SORCS1: variants seen among roughly 807,000 people sequenced by gnomAD.
SORCS1 encodes VPS10 domain-containing receptor SorCS1.
In SORCS1, 60 loss-of-function variants were observed where a neutral mutation model predicts 146.1. The observed-to-expected ratio is 0.41, with a 90% confidence interval of 0.33 to 0.51. The LOEUF is 0.51. Ranked by LOEUF, SORCS1 falls within the 20% of genes least tolerant of loss-of-function variation. SORCS1 has a pLI of 0.21. For missense variants in SORCS1, 1,352 were observed against 1,487.6 expected (o/e 0.91, Z 1.50); for synonymous variants, 637 against 584.0 (o/e 1.09, Z -1.31).
intron 2 of SORCS1, among the ~76,000 whole-genome samples, chr10:106,922,390 C>G (rs1191310734): frequency 6.6e-6 from 1 of 152,120 alleles, no homozygotes; most frequent in African/African-American, 2.4e-5. Context: ...TCTGTCATCC[C>G]CTGAAGGGCT....
At chr10:106,829,465 T>G in intron 3 of SORCS1, 109 bp downstream of exon 3, 1 of 712,842 alleles carries the variant, frequency 1.4e-6, no homozygotes, top group South Asian at 2.1e-5. Context: ...ATCTTTACAT[T>G]TCTAATCCCA....
intron 2 of SORCS1, among the ~76,000 whole-genome samples, chr10:106,939,433 A>G (rs1307858460): frequency 1.3e-5 from 2 of 152,252 alleles, no homozygotes; most frequent in Non-Finnish European, 2.9e-5. Flanking sequence ...AGGGGCGATG[A>G]TGCAGGACAT....
chr10:107,073,498 T>G (rs1962615778), intron 1 of SORCS1, among the ~76,000 whole-genome samples: 1 of 152,164 alleles, frequency 6.6e-6, no homozygotes, highest in Non-Finnish European at 1.5e-5. Flanking sequence ...ATGAATTCAA[T>G]AACAACTACT....
intron 2 of SORCS1, among the ~76,000 whole-genome samples, chr10:106,907,379 A>G (rs575650738): frequency 6.6e-5 from 10 of 152,348 alleles, no homozygotes; most frequent in African/African-American, 2.2e-4. Flanking sequence ...GAGAAGAAAT[A>G]AAGGATACAG....
intron 1 of SORCS1, among the ~76,000 whole-genome samples, chr10:106,957,998 T>C (rs542430121): frequency 6.6e-6 from 1 of 152,294 alleles, no homozygotes; most frequent in Admixed American, 6.5e-5. Context: ...TAAAGAGCTA[T>C]ATACCCCTTC....
intron 21 of SORCS1, among the ~76,000 whole-genome samples, chr10:106,612,340 C>A (rs1162316675): frequency 7.1e-6 from 1 of 140,176 alleles, no homozygotes; most frequent in Non-Finnish European, 1.5e-5. Flanking sequence ...CCCCTGGCCC[C>A]CCTTCCCCCC....
At chr10:106,786,070 T>A (rs188519192) in intron 3 of SORCS1, among the ~76,000 whole-genome samples, 14 of 152,342 alleles carry the variant, frequency 9.2e-5, no homozygotes, top group East Asian at 1.9e-4. Flanking sequence ...ATTTTTTTCA[T>A]GACTGCATAT....
chr10:106,713,163 C>T (rs1282148708), intron 6 of SORCS1, among the ~76,000 whole-genome samples: 6 of 151,092 alleles, frequency 4.0e-5, no homozygotes, highest in East Asian at 3.9e-4. Context: ...GCTTATATAA[C>T]GAGTATGACA....
chr10:106,750,473 GC>G (rs1416032068), intron 5 of SORCS1, among the ~76,000 whole-genome samples: 1 of 151,982 alleles, frequency 6.6e-6, no homozygotes, highest in Non-Finnish European at 1.5e-5. Flanking sequence ...GTTCAGGCCT[GC>G]AATACCAGCA....
chr10:107,166,473 G>C (rs1970054588), upstream of SORCS1, among the ~76,000 whole-genome samples: 2 of 152,200 alleles, frequency 1.3e-5, no homozygotes. Context: ...GGACCTAAAA[G>C]AGTGTCCTGT....
intron 1 of SORCS1, among the ~76,000 whole-genome samples, chr10:107,094,938 A>C (rs569603983): frequency 6.6e-6 from 1 of 152,326 alleles, no homozygotes; most frequent in South Asian, 2.1e-4. Context: ...CGGCAAGAGA[A>C]ACTCATTGCC....
At chr10:106,912,121 AAAACAAAC>A (rs959022396) in intron 2 of SORCS1, among the ~76,000 whole-genome samples, 5 of 149,046 alleles carry the variant, frequency 3.4e-5, no homozygotes, top group African/African-American at 1.2e-4. Flanking sequence ...TCAAAAAAAA[AAAACAAAC>A]AAACAAACAA....
intron 1 of SORCS1, among the ~76,000 whole-genome samples, chr10:107,035,830 C>T (rs534300922): frequency 6.6e-6 from 1 of 151,800 alleles, no homozygotes; most frequent in African/African-American, 2.4e-5. Flanking sequence ...TCATTTAATC[C>T]TCACAAATAT....
intron 24 of SORCS1, among the ~76,000 whole-genome samples, chr10:106,590,654 A>ATGTTTT (rs1192950535): frequency 4.6e-5 from 7 of 151,964 alleles, no homozygotes; most frequent in African/African-American, 7.2e-5. Context: ...TAGCTGTTTT[A>ATGTTTT]TGTTTTTGTT....
At chr10:106,671,490 T>G (rs1337843087) in intron 15 of SORCS1, 123 bp from the exon 16 acceptor site, 4 of 1,364,790 alleles carry the variant, frequency 2.9e-6, no homozygotes, top group South Asian at 2.8e-5. Context: ...GTAGCCCTCT[T>G]TGTGCTAACA....
intron 24 of SORCS1, among the ~76,000 whole-genome samples, chr10:106,587,931 C>T (rs1284664539): frequency 2.6e-5 from 4 of 152,168 alleles, no homozygotes; most frequent in Non-Finnish European, 4.4e-5. Flanking sequence ...TTATAATGTG[C>T]GTTTATCCAG....
chr10:107,009,544 A>C (rs1022020855), intron 1 of SORCS1, among the ~76,000 whole-genome samples: 4 of 152,230 alleles, frequency 2.6e-5, no homozygotes, highest in African/African-American at 9.6e-5. Flanking sequence ...AACACAGGAC[A>C]CAATGTTATT....
chr10:106,620,461 G>A lies in SORCS1; in HGVS notation c.2763C>T (p.Leu921=). ...AVLWPSQVGT[L]TYVWWYGNNT... ...TGTTTCCGTACCACCACACGTAAGTGAGGGTGCCCACTTGGCTGGGCCACA... is the reference window on the plus strand; with the variant it reads ...TGTTTCCGTACCACCACACGTAAGTAAGGGTGCCCACTTGGCTGGGCCACA... Residue 921 remains leucine, a synonymous_variant, in exon 20 of 26, where the codon CTC becomes CTT. Coordinates refer to ENST00000263054, the MANE Select transcript of SORCS1 (RefSeq NM_052918.5). 1 of 1,613,956 alleles carries A rather than the reference G, an allele frequency of 6.2e-7. No homozygotes were observed.
At chr10:106,618,330 C>A in intron 20 of SORCS1, 58 bp from the exon 21 acceptor site, 3 of 1,591,606 alleles carry the variant, frequency 1.9e-6, no homozygotes, top group Non-Finnish European at 2.6e-6. Context: ...GGTGACACAG[C>A]CACTAACTGT....
Sources: allele counts gnomAD v4.1 joint callset (sites outside exome capture counted in the v4.1 genomes callset), GRCh38; gene constraint gnomAD v4.1.1; transcripts MANE v1.5; gene names NCBI Gene and HGNC (gene_info 2026-07-23, HGNC 2026-07-21).